TRIM37: variants seen among roughly 807,000 people sequenced by gnomAD.
TRIM37 encodes the protein E3 ubiquitin-protein ligase TRIM37.
In TRIM37, 80 loss-of-function variants were observed where a neutral mutation model predicts 129.8. The observed-to-expected ratio is 0.62, with a 90% confidence interval of 0.51 to 0.74. TRIM37 has a LOEUF of 0.74. TRIM37 is among the 30% of genes least tolerant of loss of function. TRIM37 has a pLI of 0.00. For synonymous variants in TRIM37, 389 were observed against 387.1 expected (o/e 1.00, Z -0.06); for missense variants, 1,054 against 1,176.5 (o/e 0.90, Z 1.52).
intron 24 of TRIM37, among the ~76,000 whole-genome samples, chr17:58,991,381 C>T (rs916656491): frequency 6.6e-6 from 1 of 151,158 alleles, no homozygotes; most frequent in East Asian, 1.9e-4. Flanking sequence ...ACTAAAAATA[C>T]AAAAATTAGC....
At chr17:59,102,444 A>T (rs775714254) in intron 2 of TRIM37, among the ~76,000 whole-genome samples, 1 of 152,242 alleles carries the variant, frequency 6.6e-6, no homozygotes, top group Admixed American at 6.5e-5. Flanking sequence ...ATCTAGCATC[A>T]GTTTCACTGT....
At chr17:59,051,729 AC>A (rs1270485209) in intron 13 of TRIM37, among the ~76,000 whole-genome samples, 1 of 151,890 alleles carries the variant, frequency 6.6e-6, no homozygotes, top group Non-Finnish European at 1.5e-5. Context: ...CCAGCAAAAT[AC>A]AAAGTTTTTT....
At chr17:59,080,304 T>C (rs1369235636) in intron 6 of TRIM37, among the ~76,000 whole-genome samples, 1 of 152,220 alleles carries the variant, frequency 6.6e-6, no homozygotes, top group Non-Finnish European at 1.5e-5. Flanking sequence ...TATAAATAGC[T>C]CACTAAAGCT....
chr17:59,073,624 T>TA (rs2042571882), intron 8 of TRIM37, among the ~76,000 whole-genome samples: 1 of 152,190 alleles, frequency 6.6e-6, no homozygotes, highest in Admixed American at 6.5e-5. Flanking sequence ...TGGGTCTTGC[T>TA]ATACTTCCCA....
At chr17:59,029,485 CA>C (rs1392028108) in intron 18 of TRIM37, among the ~76,000 whole-genome samples, 1 of 152,124 alleles carries the variant, frequency 6.6e-6, no homozygotes, top group Non-Finnish European at 1.5e-5. Context: ...AAATCTGGTT[CA>C]ACTAGATTAC....
intron 8 of TRIM37, among the ~76,000 whole-genome samples, chr17:59,071,838 A>G (rs1419551290): frequency 2.0e-5 from 3 of 152,230 alleles, no homozygotes; most frequent in African/African-American, 7.2e-5. Flanking sequence ...GACTAATTAC[A>G]TAACTCTGAG....
chr17:59,000,539 T>G (rs2033578602), intron 23 of TRIM37, among the ~76,000 whole-genome samples: 6 of 151,972 alleles, frequency 3.9e-5, no homozygotes. Flanking sequence ...AGGCAGAAGT[T>G]GCAGTGAGCT....
intron 21 of TRIM37, among the ~76,000 whole-genome samples, chr17:59,014,573 G>A (rs1404525157): frequency 6.6e-6 from 1 of 151,982 alleles, no homozygotes; most frequent in Non-Finnish European, 1.5e-5. Flanking sequence ...TTTGATAACA[G>A]GAGAGAAGAA....
intron 24 of TRIM37, among the ~76,000 whole-genome samples, chr17:58,992,066 G>A (rs1432659270): frequency 6.6e-6 from 1 of 151,758 alleles, no homozygotes; most frequent in Non-Finnish European, 1.5e-5. Flanking sequence ...TCCTACTCAT[G>A]TTTAATAATT....
At chr17:59,056,499 G>A (rs918046946) in intron 13 of TRIM37, among the ~76,000 whole-genome samples, 12 of 151,798 alleles carry the variant, frequency 7.9e-5, no homozygotes, top group Non-Finnish European at 4.4e-5. Flanking sequence ...GGAGGCCGAG[G>A]CGGGCGGATC....
At chr17:59,067,878 C>A (rs2042041812) in intron 9 of TRIM37, among the ~76,000 whole-genome samples, 1 of 152,192 alleles carries the variant, frequency 6.6e-6, no homozygotes, top group African/African-American at 2.4e-5. Flanking sequence ...GCAGCACCTA[C>A]AACAATACTG....
chr17:58,974,552 T>A, the TRIM37 span, among the ~76,000 whole-genome samples: 1 of 152,244 alleles, frequency 6.6e-6, no homozygotes, highest in African/African-American at 2.4e-5. Context: ...CTGGGTTTAT[T>A]ATTTTAGGCT....
chr17:59,082,513 A>C (rs191958178), intron 5 of TRIM37, among the ~76,000 whole-genome samples: 1 of 152,298 alleles, frequency 6.6e-6, no homozygotes, highest in East Asian at 1.9e-4. Context: ...ATGAATTAGA[A>C]AGACACTTGA....
At position 59,088,068 on chromosome 17, in the gene TRIM37, G is replaced by A. The variant is rs1478480945; in HGVS notation, c.281+223C>T. On this transcript the variant is annotated intron_variant, in intron 4 of 23. Coordinates refer to ENST00000262294, the MANE Select transcript of TRIM37 (RefSeq NM_015294.6). ...TACTTTCTGTGTGGGGGGAGGGGAG[G>A]GCGAGAGGTATCTGTGTATACATGG... is the stretch of plus-strand genomic sequence containing the variant. 8.4e-6 allele frequency: 5 copies of A among 598,716 alleles called. No individual in the cohort carries two copies. In the East Asian group the frequency reaches 1.4e-4, roughly 16 times the overall value. 37.1% of individuals were successfully genotyped at this position (598,716 alleles called of 1,614,324 possible).
intron 11 of TRIM37, 82 bp downstream of exon 11, chr17:59,062,485 C>T (rs980020060): frequency 9.0e-7 from 1 of 1,109,962 alleles, no homozygotes; most frequent in Non-Finnish European, 1.4e-6. Flanking sequence ...GTTAACAGTT[C>T]TCAGTAATCA....
At chr17:58,991,395 G>A (rs1434712162) in intron 24 of TRIM37, among the ~76,000 whole-genome samples, 2 of 151,944 alleles carry the variant, frequency 1.3e-5, no homozygotes, top group Non-Finnish European at 2.9e-5. Context: ...AATTAGCTGC[G>A]CGTGGTGGCA....
exon 25 of TRIM37, chr17:58,982,832 C>T (rs535817671): frequency 1.5e-6 from 2 of 1,369,668 alleles, no homozygotes; most frequent in Admixed American, 4.0e-5. Flanking sequence ...AGGCTTTGCC[C>T]CACACATGGT....
intron 24 of TRIM37, chr17:58,984,667 T>C (rs1430381573): frequency 6.6e-6 from 1 of 152,638 alleles, no homozygotes; most frequent in Admixed American, 6.5e-5. Context: ...AGCTTAAATG[T>C]CTCTTGCAAA....
At chr17:59,059,087 C>T (rs1289960687) in intron 12 of TRIM37, 3 of 151,780 alleles carry the variant, frequency 2.0e-5, no homozygotes, top group African/African-American at 7.3e-5. Context: ...ATAAAGAATT[C>T]TTGACCGGGC....
Sources: allele counts gnomAD v4.1 joint callset (sites outside exome capture counted in the v4.1 genomes callset), GRCh38; gene constraint gnomAD v4.1.1; transcripts MANE v1.5; gene names NCBI Gene and HGNC (gene_info 2026-07-23, HGNC 2026-07-21).